DOK6: variants seen among roughly 807,000 people sequenced by gnomAD.
DOK6 encodes docking protein 6, also known as downstream of tyrosine kinase 6.
In DOK6, 22 loss-of-function variants were observed where a neutral mutation model predicts 44.0. That is an observed-to-expected ratio of 0.50 (90% confidence interval 0.36 to 0.71). DOK6 has a LOEUF of 0.71. Among genes scored for constraint, DOK6 ranks in the 30% least tolerant of loss-of-function variants. DOK6 has a pLI of 0.00. For synonymous variants in DOK6, 166 were observed against 145.5 expected (o/e 1.14, Z -1.01); for missense variants, 340 against 416.4 (o/e 0.82, Z 1.60).
intron 1 of DOK6, among the ~76,000 whole-genome samples, chr18:69,448,422 A>G (rs958339314): frequency 6.6e-6 from 1 of 151,870 alleles, no homozygotes; most frequent in South Asian, 2.1e-4. Context: ...CCCAGGCTGG[A>G]GTCCAATGGC....
At chr18:69,685,545 C>T (rs917403579) in intron 4 of DOK6, among the ~76,000 whole-genome samples, 11 of 152,184 alleles carry the variant, frequency 7.2e-5, no homozygotes, top group Admixed American at 2.0e-4. Flanking sequence ...ATCACATTCA[C>T]ATTGGGTGCA....
intron 7 of DOK6, among the ~76,000 whole-genome samples, chr18:69,822,827 G>A (rs1244850499): frequency 6.6e-6 from 1 of 152,106 alleles, no homozygotes; most frequent in African/African-American, 2.4e-5. Context: ...TGTTATACTT[G>A]TTGGGACCAG....
chr18:69,827,907 T>C (rs1981787153), intron 7 of DOK6, among the ~76,000 whole-genome samples: 1 of 151,998 alleles, frequency 6.6e-6, no homozygotes, highest in African/African-American at 2.4e-5. Flanking sequence ...AGCAAAATTT[T>C]CAAGTTTTTT....
At chr18:69,670,414 T>C (rs1490352294) in intron 3 of DOK6, among the ~76,000 whole-genome samples, 1 of 152,086 alleles carries the variant, frequency 6.6e-6, no homozygotes, top group East Asian at 1.9e-4. Flanking sequence ...CTTAGGAAAG[T>C]ATGACTAAGA....
chr18:69,470,920 A>C (rs2122488623), intron 1 of DOK6, among the ~76,000 whole-genome samples: 1 of 152,266 alleles, frequency 6.6e-6, no homozygotes, highest in Non-Finnish European at 1.5e-5. Context: ...AGTAAACAAA[A>C]AATAGATGAA....
At chr18:69,561,685 C>T (rs1335587418) in intron 1 of DOK6, among the ~76,000 whole-genome samples, 3 of 152,034 alleles carry the variant, frequency 2.0e-5, no homozygotes, top group Non-Finnish European at 4.4e-5. Flanking sequence ...GAGGCATGTT[C>T]ATGTGTGTAG....
chr18:69,436,559 T>C (rs886283359), intron 1 of DOK6, among the ~76,000 whole-genome samples: 1 of 152,214 alleles, frequency 6.6e-6, no homozygotes, highest in African/African-American at 2.4e-5. Flanking sequence ...CAGTCTATCA[T>C]TGATGGACAT....
chr18:69,747,600 C>T (rs1053111715), intron 6 of DOK6, among the ~76,000 whole-genome samples: 1 of 150,280 alleles, frequency 6.7e-6, no homozygotes, highest in Non-Finnish European at 1.5e-5. Context: ...TCCGCCCCCT[C>T]CCCCCCACAG....
intron 2 of DOK6, among the ~76,000 whole-genome samples, chr18:69,583,046 A>G (rs781485111): frequency 3.9e-5 from 6 of 152,212 alleles, no homozygotes; most frequent in Non-Finnish European, 5.9e-5. Flanking sequence ...CTTGTGACCC[A>G]GTGTGAGAAA....
intron 3 of DOK6, among the ~76,000 whole-genome samples, chr18:69,652,421 C>A (rs994578040): frequency 2.0e-4 from 31 of 152,140 alleles, no homozygotes; most frequent in African/African-American, 7.2e-4. Flanking sequence ...GGGAAAATCC[C>A]AGGACTGTAC....
intron 5 of DOK6, among the ~76,000 whole-genome samples, chr18:69,719,179 A>G (rs1489617293): frequency 6.6e-6 from 1 of 152,208 alleles, no homozygotes; most frequent in Non-Finnish European, 1.5e-5. Context: ...TGCCTCTCCA[A>G]GAGTTCCGAA....
chr18:69,827,916 T>C (rs1269782849), intron 7 of DOK6, among the ~76,000 whole-genome samples: 1 of 151,996 alleles, frequency 6.6e-6, no homozygotes, highest in Non-Finnish European at 1.5e-5. Flanking sequence ...TTCAAGTTTT[T>C]TCTTAATATA....
chr18:69,437,097 T>C (rs1979001719), intron 1 of DOK6, among the ~76,000 whole-genome samples: 1 of 152,208 alleles, frequency 6.6e-6, no homozygotes. Context: ...TTTCTCCCAT[T>C]CTGTAGGTTG....
chr18:69,613,116 C>A (rs1468669892), intron 3 of DOK6, among the ~76,000 whole-genome samples: 1 of 152,166 alleles, frequency 6.6e-6, no homozygotes, highest in Non-Finnish European at 1.5e-5. Context: ...AGCCATCCAC[C>A]CGTCTCGGCC....
intron 7 of DOK6, among the ~76,000 whole-genome samples, chr18:69,803,163 C>G (rs1980952777): frequency 6.6e-6 from 1 of 152,036 alleles, no homozygotes; most frequent in South Asian, 2.1e-4. Flanking sequence ...TTTGCAGAAG[C>G]ATTTTACCAT....
chr18:69,832,958 G>T (rs1007385427), intron 7 of DOK6, among the ~76,000 whole-genome samples: 1 of 152,076 alleles, frequency 6.6e-6, no homozygotes, highest in African/African-American at 2.4e-5. Context: ...TGGATTGGAA[G>T]AATAAACATT....
At chr18:69,460,484 T>C (rs1312843269) in intron 1 of DOK6, among the ~76,000 whole-genome samples, 1 of 152,186 alleles carries the variant, frequency 6.6e-6, no homozygotes, top group African/African-American at 2.4e-5. Flanking sequence ...TCAGTCAGTT[T>C]ATGCTTTATG....
intron 7 of DOK6, among the ~76,000 whole-genome samples, chr18:69,765,344 A>G (rs1979684922): frequency 6.6e-6 from 1 of 152,226 alleles, no homozygotes; most frequent in Non-Finnish European, 1.5e-5. Context: ...ACTTCTGTCT[A>G]TTAAACCTTA....
intron 5 of DOK6, among the ~76,000 whole-genome samples, chr18:69,711,323 C>A (rs932227044): frequency 6.6e-6 from 1 of 152,198 alleles, no homozygotes; most frequent in Non-Finnish European, 1.5e-5. Context: ...ATAGTGGAAT[C>A]TTTTAATGAC....
Sources: gnomAD v4.1 joint callset for allele counts (sites outside exome capture counted in the v4.1 genomes callset) on GRCh38, gnomAD v4.1.1 for gene constraint, MANE v1.5 for transcripts, NCBI Gene and HGNC (gene_info 2026-07-23, HGNC 2026-07-21) for gene names.